The following HTR7 variants were observed in gnomAD, a reference collection of about 807,000 sequenced individuals.
HTR7 encodes the protein 5-hydroxytryptamine receptor 7.
Under a neutral mutation model 34.0 loss-of-function variants are expected in HTR7, and 16 were observed. The ratio of observed to expected loss-of-function variants is 0.47; its 90% confidence interval spans 0.32 to 0.71. The LOEUF (loss-of-function observed/expected upper bound fraction) is 0.71. HTR7 is among the 30% of genes least tolerant of loss of function. The probability of loss-of-function intolerance (pLI) is 0.04; values close to 1 mark genes in which losing one functional copy is unlikely to be tolerated. For synonymous variants in HTR7, 265 were observed against 260.2 expected (o/e 1.02, Z -0.18); for missense variants, 504 against 625.5 (o/e 0.81, Z 2.07).
intron 1 of HTR7, among the ~76,000 whole-genome samples, chr10:90,808,928 G>A (rs1845751245): frequency 6.6e-6 from 1 of 152,048 alleles, no homozygotes; most frequent in Non-Finnish European, 1.5e-5. Flanking sequence ...ATAGGCAAAC[G>A]GTCTGAGGTG....
At chr10:90,834,385 G>A (rs558995185) in intron 1 of HTR7, among the ~76,000 whole-genome samples, 4 of 112,516 alleles carry the variant, frequency 3.6e-5, no homozygotes, top group African/African-American at 7.8e-5. Flanking sequence ...ACATAAATTC[G>A]GGGGGTGGGG....
intron 1 of HTR7, among the ~76,000 whole-genome samples, chr10:90,819,060 C>T (rs1359609762): frequency 6.6e-6 from 1 of 152,126 alleles, no homozygotes; most frequent in Non-Finnish European, 1.5e-5. Context: ...AACTTGCTTT[C>T]TTTATAAATT....
intron 1 of HTR7, among the ~76,000 whole-genome samples, chr10:90,847,541 G>C (rs1004600376): frequency 6.6e-6 from 1 of 152,134 alleles, no homozygotes; most frequent in Non-Finnish European, 1.5e-5. Flanking sequence ...AAGGAGTCTG[G>C]AGAAGCCAGA....
intron 1 of HTR7, among the ~76,000 whole-genome samples, chr10:90,804,643 T>C (rs927154685): frequency 2.0e-5 from 3 of 152,218 alleles, no homozygotes; most frequent in Non-Finnish European, 2.9e-5. Context: ...AAATATCAGC[T>C]GTTTATCCCA....
intron 2 of HTR7, 69 bp from the exon 3 acceptor site, chr10:90,743,759 G>T: frequency 3.4e-6 from 4 of 1,192,918 alleles, no homozygotes; most frequent in Admixed American, 1.7e-5. Context: ...AAGAATCCTT[G>T]ATTATATTTC....
At chr10:90,789,293 AT>A (rs1057435998) in intron 1 of HTR7, among the ~76,000 whole-genome samples, 1 of 151,882 alleles carries the variant, frequency 6.6e-6, no homozygotes, top group Non-Finnish European at 1.5e-5. Flanking sequence ...CTCTTTTGTG[AT>A]TTTTTTTGCC....
chr10:90,769,199 T>A (rs1423606658), intron 1 of HTR7, among the ~76,000 whole-genome samples: 1 of 152,246 alleles, frequency 6.6e-6, no homozygotes, highest in Non-Finnish European at 1.5e-5. Context: ...AATCCATCCA[T>A]ATTCAAGTTT....
intron 1 of HTR7, among the ~76,000 whole-genome samples, chr10:90,799,682 C>T (rs549016439): frequency 6.6e-6 from 1 of 152,116 alleles, no homozygotes; most frequent in Non-Finnish European, 1.5e-5. Context: ...ATAATATTTC[C>T]AAACTTGCTG....
chr10:90,810,703 C>T (rs1307234816), intron 1 of HTR7, among the ~76,000 whole-genome samples: 1 of 152,152 alleles, frequency 6.6e-6, no homozygotes, highest in Non-Finnish European at 1.5e-5. Flanking sequence ...TTCCTTTGCA[C>T]CCTTCATCCC....
chr10:90,851,837 T>C (rs1846505609), intron 1 of HTR7, among the ~76,000 whole-genome samples: 1 of 152,090 alleles, frequency 6.6e-6, no homozygotes, highest in Non-Finnish European at 1.5e-5. Flanking sequence ...AGTGAATAAG[T>C]CTCACAAGAT....
At chr10:90,847,994 A>G (rs903172481) in intron 1 of HTR7, among the ~76,000 whole-genome samples, 4 of 151,318 alleles carry the variant, frequency 2.6e-5, no homozygotes, top group Non-Finnish European at 5.9e-5. Flanking sequence ...AGAAAACACT[A>G]CACCACCTTA....
chr10:90,786,069 G>A (rs1845375795), intron 1 of HTR7, among the ~76,000 whole-genome samples: 2 of 152,164 alleles, frequency 1.3e-5, no homozygotes, highest in Non-Finnish European at 2.9e-5. Context: ...TCTTGGGATG[G>A]AACTTCCTCA....
chr10:90,828,223 G>C (rs369921162), intron 1 of HTR7, among the ~76,000 whole-genome samples: 1 of 152,154 alleles, frequency 6.6e-6, no homozygotes, highest in African/African-American at 2.4e-5. Context: ...AGTAATAAGA[G>C]AGAAGTTTAT....
chr10:90,798,319 T>C (rs1440190082), intron 1 of HTR7, among the ~76,000 whole-genome samples: 2 of 152,220 alleles, frequency 1.3e-5, no homozygotes, highest in Non-Finnish European at 2.9e-5. Context: ...TTCTCAAAAG[T>C]AGATGTCATT....
chr10:90,853,399 C>T (rs1430014103), intron 1 of HTR7, among the ~76,000 whole-genome samples: 4 of 151,312 alleles, frequency 2.6e-5, no homozygotes, highest in African/African-American at 2.4e-5. Context: ...GATCCTCCCA[C>T]CTCAGCTTCC....
intron 1 of HTR7, among the ~76,000 whole-genome samples, chr10:90,820,389 G>C (rs1845961307): frequency 6.6e-5 from 10 of 152,106 alleles, no homozygotes; most frequent in Admixed American, 6.5e-4. Context: ...AGTTTTCATG[G>C]GAAGAGTTGT....
chr10:90,791,686 A>G (rs760008127), intron 1 of HTR7, among the ~76,000 whole-genome samples: 4 of 152,136 alleles, frequency 2.6e-5, no homozygotes, highest in Non-Finnish European at 4.4e-5. Flanking sequence ...TTTTAAGGTT[A>G]ATTGTGTTTA....
rs1440800748 is a variant in HTR7, at chr10:90,857,696, T to G, written c.-25A>C. ...TCGCGCCGCCGTGTGCCGCTGCCCA[T>G]GGAGCCGGCGCCCCGGCCACGCGCC... On this transcript the variant is annotated 5_prime_UTR_variant, in exon 1 of 4. It removes an upstream start codon present in the reference 5' UTR. Transcript: ENST00000336152. The surrounding 1 kb of genome is among the most constrained non-coding windows in gnomAD (Gnocchi z 6.5). 1.3e-6 allele frequency: 2 copies of G among 1,481,570 alleles called. No individual in the cohort carries two copies. The highest frequency in any genetic ancestry group is 1.8e-6 in the Non-Finnish European group (2 of 1,129,898). 91.8% of individuals were successfully genotyped at this position (1,481,570 alleles called of 1,614,324 possible).
chr10:90,787,077 C>T (rs1238713677), intron 1 of HTR7, among the ~76,000 whole-genome samples: 3 of 152,188 alleles, frequency 2.0e-5, no homozygotes, highest in Non-Finnish European at 4.4e-5. Flanking sequence ...TACTTCCACA[C>T]ATCACTCACT....
Sources: allele counts gnomAD v4.1 joint callset (sites outside exome capture counted in the v4.1 genomes callset), GRCh38; gene constraint gnomAD v4.1.1; non-coding constraint Gnocchi (gnomAD v3.1); transcripts MANE v1.5; gene names NCBI Gene and HGNC (gene_info 2026-07-23, HGNC 2026-07-21).